The following ZFHX3 variants were observed in gnomAD, a reference collection of about 807,000 sequenced individuals.
ZFHX3 encodes zinc finger homeobox 3, also known as zinc finger homeobox protein 3.
ZFHX3 carries 42 observed loss-of-function variants against 279.1 expected under a neutral mutation model. The ratio of observed to expected loss-of-function variants is 0.15; its 90% CI spans 0.12 to 0.19. The LOEUF (loss-of-function observed/expected upper bound fraction) is 0.19. Among genes scored for constraint, ZFHX3 ranks in the 10% least tolerant of loss-of-function variants. ZFHX3 has a pLI of 1.00. For synonymous variants in ZFHX3, 2,293 were observed against 1,957.8 expected, an observed-to-expected ratio of 1.17 and a Z score of -4.52; for missense variants, 4,981 against 4,754.0, an observed-to-expected ratio of 1.05 and a Z score of -1.40.
intron 3 of ZFHX3, among the ~76,000 whole-genome samples, chr16:73,371,217 G>T (rs2016622403): frequency 6.6e-6 from 1 of 151,636 alleles, no homozygotes; most frequent in East Asian, 2.0e-4. Context: ...TGAGGCAGGA[G>T]AATCACTTGA....
rs147715508 is a variant in ZFHX3 at position 73,835,889 on chromosome 16, C to T, written c.-1608+55762G>A. ...CAGCCTAGCCTTTGACTAAATGTGCCGTACTCCCTGTTCTCTTACTACTTT... is the reference window on the plus strand; with the variant it reads ...CAGCCTAGCCTTTGACTAAATGTGCTGTACTCCCTGTTCTCTTACTACTTT... On this transcript the variant is annotated intron_variant, in intron 1 of 17. Transcript: ENST00000641206. Among the ~76,000 whole-genome samples, 30 of 152,188 alleles carry T rather than the reference C, an allele frequency of 2.0e-4. No individual in the cohort carries two copies. The East Asian group carries it at 3.7e-3, about 19-fold the overall frequency.
At chr16:73,110,720 C>G (rs138919795) in intron 7 of ZFHX3, among the ~76,000 whole-genome samples, 1 of 152,186 alleles carries the variant, frequency 6.6e-6, no homozygotes, top group East Asian at 1.9e-4. Flanking sequence ...CGTATCAACA[C>G]AGCCAGCTAA....
At chr16:73,442,187 C>A (rs2018105945) in intron 3 of ZFHX3, among the ~76,000 whole-genome samples, 1 of 152,088 alleles carries the variant, frequency 6.6e-6, no homozygotes, top group East Asian at 1.9e-4. Flanking sequence ...GAAGGAGGAG[C>A]CTGGAAGGGA....
intron 2 of ZFHX3, among the ~76,000 whole-genome samples, chr16:73,636,460 G>A (rs1030702827): frequency 6.6e-6 from 1 of 152,082 alleles, no homozygotes; most frequent in Non-Finnish European, 1.5e-5. Flanking sequence ...CAAGAAAGAG[G>A]CAAAAGTATC....
intron 2 of ZFHX3, among the ~76,000 whole-genome samples, chr16:73,565,181 G>A (rs1195625689): frequency 1.3e-5 from 2 of 151,994 alleles, no homozygotes; most frequent in Admixed American, 6.5e-5. Flanking sequence ...TTAAACTCAG[G>A]AGGTGGAAGC....
In ZFHX3 at chr16:73,434,545, TC is replaced by T. The variant is rs1446585051; in HGVS notation, c.-1291+21457del. Among the ~76,000 whole-genome samples the T allele has an allele frequency of 7.2e-5, 11 of 152,292 alleles. No individual in the cohort carries two copies. The East Asian group carries it at 1.9e-3, about 27-fold the overall frequency. On this transcript the variant is annotated intron_variant, in intron 3 of 17. Coordinates refer to the ZFHX3 transcript ENST00000641206. The stretch of plus-strand genomic sequence containing the variant: ...ATGTATTTTAATAGAAATTTCAAGT[TC>T]CTGGCTTCTCTCCCTACCCCTTTCC...
chr16:73,257,945 GCTGTC>G (rs2013705505), intron 4 of ZFHX3, among the ~76,000 whole-genome samples: 1 of 152,150 alleles, frequency 6.6e-6, no homozygotes, highest in East Asian at 1.9e-4. Context: ...GGGTGTGTGG[GCTGTC>G]CTGTGCACTG....
intron 2 of ZFHX3, among the ~76,000 whole-genome samples, chr16:73,572,471 CT>C (rs1414226026): frequency 6.6e-6 from 1 of 152,192 alleles, no homozygotes; most frequent in African/African-American, 2.4e-5. Context: ...AGCCTTCAAC[CT>C]GAGCACTTTT....
intron 3 of ZFHX3, among the ~76,000 whole-genome samples, chr16:73,338,795 G>A (rs1461681053): frequency 1.3e-5 from 2 of 152,090 alleles, no homozygotes; most frequent in African/African-American, 2.4e-5. Context: ...TTATAGGAGG[G>A]GCCTGGTGGA....
chr16:73,217,476 C>T (rs1244250738), intron 5 of ZFHX3, among the ~76,000 whole-genome samples: 1 of 152,132 alleles, frequency 6.6e-6, no homozygotes, highest in African/African-American at 2.4e-5. Flanking sequence ...GGCAGCCTGG[C>T]CCTACACTAA....
rs371741063 is a variant in ZFHX3 at position 73,270,780 on chromosome 16, A to G, written c.-1193-13644T>C. On this transcript the variant is annotated intron_variant, in intron 4 of 17. Transcript: ENST00000641206. ...CAGAGGCGGATTTACCTTGACACTA[A>G]TGAGATTCAAGCTTCAAGGCCTCAA... is the stretch of plus-strand genomic sequence containing the variant. 1.6e-4 allele frequency among the ~76,000 whole-genome samples: 25 copies of G among 152,274 alleles called. No homozygotes were observed. The East Asian group carries it at 4.6e-3, about 28-fold the overall frequency.
chr16:73,450,207 A>G (rs2018260115), intron 3 of ZFHX3, among the ~76,000 whole-genome samples: 2 of 152,188 alleles, frequency 1.3e-5, no homozygotes, highest in Non-Finnish European at 2.9e-5. Flanking sequence ...TCAGGTAAAC[A>G]ACACAGTGTT....
chr16:73,024,879 C>T (rs927093032), intron 1 of ZFHX3, among the ~76,000 whole-genome samples: 2 of 152,188 alleles, frequency 1.3e-5, no homozygotes, highest in African/African-American at 4.8e-5. Flanking sequence ...CTACATGTCC[C>T]CCAGAAGGTG....
In ZFHX3 at chr16:73,861,738, T is replaced by C. The variant is rs532008876; in HGVS notation, c.-1608+29913A>G. Reference sequence around the variant, plus strand: ...AGCCGGGCACAGTGGCTCACACCTGTAATCCCAGCAAATAATTTGTACACA... The same window carrying C: ...AGCCGGGCACAGTGGCTCACACCTGCAATCCCAGCAAATAATTTGTACACA... On this transcript the variant is annotated intron_variant, in intron 1 of 17. Transcript: ENST00000641206. Among the ~76,000 whole-genome samples, 3 of 152,254 alleles carry C rather than the reference T, an allele frequency of 2.0e-5. No individual in the cohort carries two copies. In the East Asian group the frequency reaches 5.8e-4, roughly 29 times the overall value.
chr16:72,990,798 T>C (rs990556466), intron 1 of ZFHX3, among the ~76,000 whole-genome samples: 2 of 151,992 alleles, frequency 1.3e-5, no homozygotes, highest in African/African-American at 2.4e-5. Context: ...CTGAGCAACA[T>C]GGCGAAACCC....
chr16:73,265,359 G>A (rs12924462), intron 4 of ZFHX3, among the ~76,000 whole-genome samples: 43,564 of 152,018 alleles, frequency 0.29, 7,183 homozygotes, highest in Non-Finnish European at 0.39. Context: ...GAGCCAGCTG[G>A]AGTCAGCTTT....
At chr16:73,429,733 C>T (rs375885191) in intron 3 of ZFHX3, among the ~76,000 whole-genome samples, 6 of 152,140 alleles carry the variant, frequency 3.9e-5, no homozygotes, top group African/African-American at 1.2e-4. Flanking sequence ...CAAAATATGT[C>T]GACCCATAGG....
chr16:73,633,221 G>C (rs2052494007), intron 2 of ZFHX3, among the ~76,000 whole-genome samples: 1 of 152,154 alleles, frequency 6.6e-6, no homozygotes, highest in South Asian at 2.1e-4. Flanking sequence ...ATATATGAAG[G>C]AGATCGAAAT....
chr16:73,785,541 C>T (rs569380341), intron 1 of ZFHX3, among the ~76,000 whole-genome samples: 4 of 152,226 alleles, frequency 2.6e-5, no homozygotes, highest in African/African-American at 9.6e-5. Context: ...ATTCCATTTG[C>T]CTCCTTCTGG....
Sources: allele counts gnomAD v4.1 joint callset (sites outside exome capture counted in the v4.1 genomes callset), GRCh38; gene constraint gnomAD v4.1.1; transcripts MANE v1.5; gene names NCBI Gene and HGNC (gene_info 2026-07-23, HGNC 2026-07-21).